Variants in ANXA5 observed in about 807,000 individuals in gnomAD.
The protein encoded by ANXA5 is annexin A5, also known as CBP-I.
In ANXA5, 40 loss-of-function variants were observed where a neutral mutation model predicts 48.1. The observed-to-expected ratio is 0.83, with a 90% CI of 0.65 to 1.08. The LOEUF is 1.08. ANXA5 is among the 50% of genes least tolerant of loss of function. The pLI is 0.00. For missense variants in ANXA5, 357 were observed against 376.8 expected (o/e 0.95, Z 0.44); for synonymous variants, 113 against 129.1 (o/e 0.88, Z 0.85).
intron 2 of ANXA5, among the ~76,000 whole-genome samples, chr4:121,687,831 C>G (rs571987849): frequency 1.3e-5 from 2 of 152,166 alleles, no homozygotes; most frequent in Non-Finnish European, 2.9e-5. Flanking sequence ...CCCCTGAGCC[C>G]TCTTCTCAAC....
intron 8 of ANXA5, among the ~76,000 whole-genome samples, chr4:121,674,182 A>AGGGAG (rs1204861453): frequency 0.13 from 9,712 of 73,930 alleles, 965 homozygotes; most frequent in Non-Finnish European, 0.18. Flanking sequence ...AAAGGGGAAG[A>AGGGAG]GGGAGGGGAG....
At chr4:121,671,502 T>G (rs766305577) in intron 10 of ANXA5, 45 bp downstream of exon 10, 15 of 1,412,034 alleles carry the variant, frequency 1.1e-5, no homozygotes, top group Non-Finnish European at 1.4e-5. Flanking sequence ...ATAAAATGCT[T>G]TAGCTCTTAC....
intron 2 of ANXA5, among the ~76,000 whole-genome samples, chr4:121,694,542 G>A (rs1347046115): frequency 2.3e-5 from 2 of 87,252 alleles, no homozygotes; most frequent in East Asian, 2.3e-4. Context: ...GCACCACCAT[G>A]CCCAGCTAAT....
At chr4:121,676,976 C>G (rs1724710508) in intron 8 of ANXA5, among the ~76,000 whole-genome samples, 1 of 152,172 alleles carries the variant, frequency 6.6e-6, no homozygotes, top group Non-Finnish European at 1.5e-5. Flanking sequence ...AAATACTGCA[C>G]AGAGAGCCCT....
At chr4:121,687,476 G>A (rs1724912847) in intron 2 of ANXA5, among the ~76,000 whole-genome samples, 1 of 152,018 alleles carries the variant, frequency 6.6e-6, no homozygotes, top group African/African-American at 2.4e-5. Flanking sequence ...TCTAAACTGA[G>A]AAACAAACAG....
chr4:121,668,613 T>C (rs1042104246), intron 12 of ANXA5, 86 bp from the exon 13 acceptor site: 4 of 1,105,746 alleles, frequency 3.6e-6, no homozygotes, highest in Non-Finnish European at 5.5e-6. Flanking sequence ...ACAAATTTTA[T>C]TCATAAGACT....
At chr4:121,671,725 C>A in intron 9 of ANXA5, 83 bp from the exon 10 acceptor site, 1 of 926,688 alleles carries the variant, frequency 1.1e-6, no homozygotes, top group Non-Finnish European at 1.7e-6. Flanking sequence ...TAGGTAGTGT[C>A]TTACTGAACA....
At chr4:121,677,755 G>C in intron 8 of ANXA5, 139 bp downstream of exon 8, 1 of 722,392 alleles carries the variant, frequency 1.4e-6, no homozygotes, top group East Asian at 2.6e-5. Flanking sequence ...TACTTATGTA[G>C]GTCTTATGCT....
chr4:121,669,801 G>A (rs1203642098), intron 11 of ANXA5, 77 bp from the exon 12 acceptor site: 8 of 1,537,824 alleles, frequency 5.2e-6, no homozygotes, highest in South Asian at 2.4e-5. Flanking sequence ...CCGGGTGCGG[G>A]TGAATCAATA....
chr4:121,679,910 T>C (rs556659856), intron 6 of ANXA5, among the ~76,000 whole-genome samples: 8 of 152,308 alleles, frequency 5.3e-5, no homozygotes, highest in Admixed American at 1.3e-4. Flanking sequence ...TAAAATATAC[T>C]GTATTCACAA....
intron 6 of ANXA5, among the ~76,000 whole-genome samples, chr4:121,680,661 C>A (rs1009524273): frequency 6.6e-6 from 1 of 152,126 alleles, no homozygotes; most frequent in Admixed American, 6.5e-5. Flanking sequence ...TTATTACCCC[C>A]TTTGAGCACA....
chr4:121,677,661 T>TTGGA (rs1246077270), intron 8 of ANXA5, among the ~76,000 whole-genome samples: 1 of 152,204 alleles, frequency 6.6e-6, no homozygotes, highest in East Asian at 1.9e-4. Flanking sequence ...ACATGTCTAG[T>TTGGA]TGGAACTCAC....
chr4:121,686,516 C>A, intron 2 of ANXA5, 144 bp from the exon 3 acceptor site: 1 of 656,368 alleles, frequency 1.5e-6, no homozygotes, highest in East Asian at 2.8e-5. Context: ...CCCTTTTGAA[C>A]TGGGAAGGGA....
At chr4:121,677,493 T>C (rs1167744617) in intron 8 of ANXA5, among the ~76,000 whole-genome samples, 1 of 152,208 alleles carries the variant, frequency 6.6e-6, no homozygotes, top group Non-Finnish European at 1.5e-5. Flanking sequence ...ACTTGTCATC[T>C]CTTATGTAAT....
At chr4:121,686,255 A>G in intron 3 of ANXA5, 33 bp downstream of exon 3, 1 of 1,500,460 alleles carries the variant, frequency 6.7e-7, no homozygotes, top group African/African-American at 1.4e-5. Context: ...AACAAATATC[A>G]CATTTGCTTT....
chr4:121,669,973 G>A lies in ANXA5; in HGVS notation c.761C>T (p.Thr254Ile). The A allele has an allele frequency of 6.2e-7, 1 of 1,604,246 alleles. No homozygotes were observed. Among genetic ancestry groups the A allele is most frequent in the Non-Finnish European group, 8.5e-7 (1 of 1,175,114 alleles). Residue 254 changes from threonine to isoleucine, a missense_variant, in exon 11 of 13, where the codon ACC becomes ATC. Thr to Ile is a moderately conservative substitution (Grantham distance 89). Transcript: ENST00000296511. ...IRSIPAYLAE[T>I]LYYAMKGAGT... ...ACTTACCTTCATAGCATAATAGAGGGTCTCTGCAAGGTAGGCAGGTATACT... is the reference window on the plus strand; with the variant it reads ...ACTTACCTTCATAGCATAATAGAGGATCTCTGCAAGGTAGGCAGGTATACT...
chr4:121,671,628 T>C lies in ANXA5; in HGVS notation c.640A>G (p.Met214Val), dbSNP rs765233478. The C allele has an allele frequency of 1.2e-6, 2 of 1,611,750 alleles. No individual in the cohort carries two copies. Among genetic ancestry groups the C allele is most frequent in the Middle Eastern group, 1.7e-4 (1 of 6,052 alleles). ...TCAATTTGAAATCCTGATATAGTCA[T>C]GTACTTGTCAAACACTAGAAAAAAT... ...SHLRKVFDKY[M>V]TISGFQIEET... The change falls in exon 10 of 13, where the codon ATG (methionine) becomes GTG (valine). Residue 214 changes from methionine to valine, a missense_variant. Physicochemically the swap from Met to Val is conservative, Grantham distance 21. Transcript: ENST00000296511.
In ANXA5 at chr4:121,681,686, GT is replaced by G. The variant is rs750005358; in HGVS notation, c.378del (p.Lys126AsnfsTer81). 11 of 1,611,088 alleles carry G rather than the reference GT, an allele frequency of 6.8e-6. No homozygotes were observed. The South Asian group carries it at 1.1e-4, about 16-fold the overall frequency. Reference protein sequence around the residue: ...SRTPEELRAIKQVYEEEYGSS... With the variant: ...SRTPEELRAIXQVYEEEYGSS... ...AAACATTTACCTTCTTCATAAACTT[GT>G]TTGATGGCTCTCAGTTCTTCAGGTG... On this transcript the variant is annotated frameshift_variant, in exon 6 of 13. Transcript: ENST00000296511. LOFTEE classifies it high-confidence loss of function.
chr4:121,680,478 T>G (rs912154911), intron 6 of ANXA5, among the ~76,000 whole-genome samples: 1 of 152,222 alleles, frequency 6.6e-6, no homozygotes, highest in Non-Finnish European at 1.5e-5. Context: ...TTCATTATCC[T>G]TTAAATATTG....
Sources: gnomAD v4.1 joint callset for allele counts (sites outside exome capture counted in the v4.1 genomes callset) on GRCh38, gnomAD v4.1.1 for gene constraint, MANE v1.5 for transcripts, NCBI Gene and HGNC (gene_info 2026-07-23, HGNC 2026-07-21) for gene names.